The following TMC2 variants were observed in gnomAD, a reference collection of about 807,000 sequenced individuals.
The protein encoded by TMC2 is transmembrane channel like 2.
TMC2 carries 102 observed loss-of-function variants against 105.9 expected under a neutral mutation model. The ratio of observed to expected loss-of-function variants is 0.96; its 90% CI spans 0.82 to 1.14. TMC2 has a LOEUF of 1.14. Ranked by LOEUF, TMC2 falls within the 50% of genes most tolerant of loss-of-function variation. The probability of loss-of-function intolerance (pLI) is 0.00; values close to 1 mark genes in which losing one functional copy is unlikely to be tolerated. For missense variants in TMC2, 1,093 were observed against 1,134.3 expected, an observed-to-expected ratio of 0.96 and a Z score of 0.52; for synonymous variants, 402 against 422.8, an observed-to-expected ratio of 0.95 and a Z score of 0.60.
intron 7 of TMC2, among the ~76,000 whole-genome samples, chr20:2,582,237 G>T (rs1433260895): frequency 6.6e-6 from 1 of 152,116 alleles, no homozygotes; most frequent in African/African-American, 2.4e-5. Context: ...TCTTATTTAG[G>T]ATGATGGGAA....
At chr20:2,547,549 C>G (rs891227926) in intron 2 of TMC2, among the ~76,000 whole-genome samples, 36 of 152,158 alleles carry the variant, frequency 2.4e-4, no homozygotes, top group African/African-American at 8.7e-4. Flanking sequence ...GTTTCTGGCA[C>G]CTGTATTTTA....
chr20:2,632,686 C>G (rs1303742073), intron 17 of TMC2, among the ~76,000 whole-genome samples: 1 of 151,974 alleles, frequency 6.6e-6, no homozygotes, highest in East Asian at 1.9e-4. Context: ...ACCTCCTGGG[C>G]TCAAGCAATT....
intron 16 of TMC2, among the ~76,000 whole-genome samples, chr20:2,620,207 G>A (rs545581795): frequency 6.2e-4 from 95 of 152,328 alleles, no homozygotes; most frequent in Non-Finnish European, 1.2e-3. Context: ...AATGTGCAAG[G>A]AAAGAGGTAT....
At chr20:2,626,143 G>C (rs1306602580) in intron 17 of TMC2, among the ~76,000 whole-genome samples, 1 of 152,194 alleles carries the variant, frequency 6.6e-6, no homozygotes, top group African/African-American at 2.4e-5. Flanking sequence ...GGAATACTAG[G>C]AGATCACTTA....
intron 5 of TMC2, among the ~76,000 whole-genome samples, chr20:2,577,385 T>G (rs140302573): frequency 2.1e-3 from 323 of 152,262 alleles, no homozygotes; most frequent in African/African-American, 7.5e-3. Flanking sequence ...GGAGGGCGGA[T>G]GAAGCAATGA....
chr20:2,560,759 C>T (rs2086020393), intron 3 of TMC2, among the ~76,000 whole-genome samples: 1 of 151,516 alleles, frequency 6.6e-6, no homozygotes, highest in Admixed American at 6.6e-5. Context: ...ATGGCGTGAA[C>T]CCAGGAGGTG....
chr20:2,631,399 GTCCTT>G (rs1440737337), intron 17 of TMC2, among the ~76,000 whole-genome samples: 1 of 152,178 alleles, frequency 6.6e-6, no homozygotes, highest in Admixed American at 6.5e-5. Context: ...ACTGTCTAGT[GTCCTT>G]TCGTTTTAAC....
intron 3 of TMC2, among the ~76,000 whole-genome samples, chr20:2,559,949 A>G (rs1240708680): frequency 6.6e-6 from 1 of 152,234 alleles, no homozygotes; most frequent in Non-Finnish European, 1.5e-5. Flanking sequence ...CCAAGGCATT[A>G]GAGAGATGAA....
chr20:2,558,992 G>C lies in TMC2; in HGVS notation c.401+218G>C, dbSNP rs182259691. 2.0e-4 allele frequency among the ~76,000 whole-genome samples: 30 copies of C among 152,272 alleles called. No homozygotes were observed. Among genetic ancestry groups the C allele is most frequent in the Admixed American group, 1.4e-3 (22 of 15,308 alleles). On this transcript the variant is annotated intron_variant, in intron 3 of 19. Transcript: ENST00000358864. This position sits in a 1 kb window ranked among gnomAD's most constrained non-coding sequence, Gnocchi z 4.6. The stretch of plus-strand genomic sequence containing the variant: ...ATGAAGATCGCGGGTCCGCGCGGGG[G>C]AGTGGCCGCGGGCTCTCCACTCCAG...
intron 11 of TMC2, among the ~76,000 whole-genome samples, chr20:2,606,680 C>T (rs1322848197): frequency 6.6e-6 from 1 of 151,540 alleles, no homozygotes; most frequent in Non-Finnish European, 1.5e-5. Flanking sequence ...TTCTTTAGGA[C>T]CTCCTATTAT....
In TMC2 at chr20:2,558,570, C is replaced by G. The variant is rs1568504474; in HGVS notation, c.197C>G (p.Pro66Arg). 4 of 1,553,154 alleles carry G rather than the reference C, an allele frequency of 2.6e-6. No individual in the cohort carries two copies. The highest frequency in any genetic ancestry group is 3.5e-6 in the Non-Finnish European group (4 of 1,148,012). ...GAGCGCGCCGGGGGCAGCCCAAGCC[C>G]GGGGTCTCCCCGGAGGAAGCAAACA... ...QKERAGGSPS[P>R]GSPRRKQTGR... The change falls in exon 3 of 20, where the codon CCG becomes CGG. Residue 66 changes from proline (P) to arginine (R), a missense_variant. Coordinates refer to ENST00000358864, the MANE Select transcript of TMC2 (RefSeq NM_080751.3). The surrounding 1 kb of genome is among the most constrained non-coding windows in gnomAD (Gnocchi z 4.6).
At chr20:2,612,426 C>G in intron 13 of TMC2, 86 bp downstream of exon 13, 1 of 1,292,932 alleles carries the variant, frequency 7.7e-7, no homozygotes, top group Non-Finnish European at 1.0e-6. Flanking sequence ...GAGGAATAAC[C>G]CTGAAAACTT....
At chr20:2,572,433 C>T (rs1348588719) in intron 5 of TMC2, among the ~76,000 whole-genome samples, 164 bp downstream of exon 5, 1 of 152,176 alleles carries the variant, frequency 6.6e-6, no homozygotes, top group Admixed American at 6.5e-5. Context: ...GGCATGGAAA[C>T]CAATCGTATC....
At chr20:2,637,795 T>A (rs2086659437) in intron 19 of TMC2, among the ~76,000 whole-genome samples, 1 of 152,130 alleles carries the variant, frequency 6.6e-6, no homozygotes, top group Non-Finnish European at 1.5e-5. Context: ...TAATCATGCA[T>A]GTAAAGTGCC....
chr20:2,641,622 T>G lies in TMC2; in HGVS notation c.*271T>G. The G allele has an allele frequency of 2.6e-6, 1 of 389,242 alleles. No individual in the cohort carries two copies. Among genetic ancestry groups the G allele is most frequent in the Non-Finnish European group, 4.7e-6 (1 of 211,526 alleles). The allele number at this position is 389,242 out of a possible 1,614,324, so 24.1% of individuals were successfully genotyped here. A position where few individuals can be genotyped will look rare whatever the true frequency, so the allele number is the denominator to read the frequency against. ...GTTCAGACAGCTCTGAACCCCACGCTCACAGTGGTCGACCTTGCCTCCCGA... is the reference window on the plus strand; with the variant it reads ...GTTCAGACAGCTCTGAACCCCACGCGCACAGTGGTCGACCTTGCCTCCCGA... On this transcript the variant is annotated 3_prime_UTR_variant, in exon 20 of 20. Coordinates refer to ENST00000358864, the MANE Select transcript of TMC2 (RefSeq NM_080751.3).
At position 2,641,654 on chromosome 20, in the gene TMC2, G is replaced by T. The variant is rs1318776841; in HGVS notation, c.*303G>T. ...GGTCGACCTTGCCTCCCGATTTTCG[G>T]AGTTGGGGAAGGGCCATGACCACCC... On this transcript the variant is annotated 3_prime_UTR_variant, in exon 20 of 20. Coordinates refer to ENST00000358864, the MANE Select transcript of TMC2 (RefSeq NM_080751.3). 6 of 319,504 alleles carry T rather than the reference G, an allele frequency of 1.9e-5. No homozygotes were observed. Among genetic ancestry groups the T allele is most frequent in the Non-Finnish European group, 5.9e-6 (1 of 169,276 alleles). The allele number at this position is 319,504 out of a possible 1,614,324, so 19.8% of individuals were successfully genotyped here.
rs117650051 is a variant in TMC2 at position 2,560,279 on chromosome 20, A to T, written c.401+1505A>T. 3.1e-3 allele frequency among the ~76,000 whole-genome samples: 477 copies of T among 152,152 alleles called. 3 individuals carry two copies. The highest frequency in any genetic ancestry group is 0.017 in the East Asian group (89 of 5,182). Reference sequence around the variant, plus strand: ...CATGAAGTATGGCAAAAAAAAAAAAAATATCTCTGTGTTCTAGGCTTTTCA... The same window carrying T: ...CATGAAGTATGGCAAAAAAAAAAAATATATCTCTGTGTTCTAGGCTTTTCA... On this transcript the variant is annotated intron_variant, in intron 3 of 19. Coordinates refer to ENST00000358864, the MANE Select transcript of TMC2 (RefSeq NM_080751.3).
chr20:2,577,860 C>G (rs1190661300), intron 5 of TMC2, among the ~76,000 whole-genome samples: 1 of 152,006 alleles, frequency 6.6e-6, no homozygotes, highest in Non-Finnish European at 1.5e-5. Flanking sequence ...GCGCCACCTG[C>G]ACTCGGCCTG....
chr20:2,632,317 A>C (rs2086609449), intron 17 of TMC2, among the ~76,000 whole-genome samples: 1 of 152,000 alleles, frequency 6.6e-6, no homozygotes, highest in Non-Finnish European at 1.5e-5. Flanking sequence ...CAACTCCAGA[A>C]TTTCTATTTG....
Sources: gnomAD v4.1 joint callset for allele counts (sites outside exome capture counted in the v4.1 genomes callset) on GRCh38, gnomAD v4.1.1 for gene constraint, Gnocchi (gnomAD v3.1) non-coding constraint, MANE v1.5 for transcripts, NCBI Gene and HGNC (gene_info 2026-07-23, HGNC 2026-07-21) for gene names.